The following PIK3CB variants were observed in gnomAD, a reference collection of about 807,000 sequenced individuals.
PIK3CB encodes the protein phosphatidylinositol 4,5-bisphosphate 3-kinase catalytic subunit beta isoform.
PIK3CB carries 39 observed loss-of-function variants against 136.8 expected under a neutral mutation model. That is an observed-to-expected ratio of 0.29 (90% CI 0.22 to 0.37). The LOEUF (loss-of-function observed/expected upper bound fraction) is 0.37, where lower values mean the gene tolerates loss of function less well. PIK3CB is among the 10% of genes least tolerant of loss of function. The pLI is 1.00. For synonymous variants in PIK3CB, 428 were observed against 436.6 expected, an observed-to-expected ratio of 0.98 and a Z score of 0.25; for missense variants, 868 against 1,275.4, an observed-to-expected ratio of 0.68 and a Z score of 4.87.
rs548607789 is a variant in PIK3CB, at chr3:138,789,810, C to T, written c.-17+6653G>A. Among the ~76,000 whole-genome samples the T allele has an allele frequency of 2.0e-5, 3 of 151,964 alleles. No homozygotes were observed. The East Asian group carries it at 5.8e-4, about 29-fold the overall frequency. ...CTCAGGGGTGATTATCCTGACTCAG[C>T]CTCCCGAGTAGGTGGGACTGCAGAT... On this transcript the variant is annotated intron_variant, in intron 2 of 23. Transcript: ENST00000674063.
At chr3:138,729,854 C>T (rs1459198055) in intron 8 of PIK3CB, among the ~76,000 whole-genome samples, 1 of 151,890 alleles carries the variant, frequency 6.6e-6, no homozygotes, top group Non-Finnish European at 1.5e-5. Flanking sequence ...CATATTGTAT[C>T]CTATTGGCTC....
intron 1 of PIK3CB, among the ~76,000 whole-genome samples, chr3:138,807,812 T>C (rs1038588540): frequency 2.0e-5 from 3 of 151,948 alleles, no homozygotes; most frequent in Non-Finnish European, 4.4e-5. Flanking sequence ...AGGATCGCTT[T>C]TGAGCTCGGG....
rs1313318746 is a variant in PIK3CB at position 138,693,960 on chromosome 3, TATATATTATATATATA to T, written c.1892+810_1892+825del. 1.2e-3 allele frequency among the ~76,000 whole-genome samples: 42 copies of T among 33,964 alleles called. 1 individual carries two copies. Among genetic ancestry groups the T allele is most frequent in the African/African-American group, 9.3e-3 (40 of 4,280 alleles). 22.3% of individuals were successfully genotyped at this position (33,964 alleles called of 152,430 possible). ...AAATATATATATATATATATATATA[TATATATTATATATATA>T]TATATATATATATATATTTTAAACC... On this transcript the variant is annotated intron_variant, in intron 14 of 23. Coordinates refer to ENST00000674063, the MANE Select transcript of PIK3CB (RefSeq NM_006219.3).
intron 1 of PIK3CB, among the ~76,000 whole-genome samples, chr3:138,802,593 TA>T (rs1443589621): frequency 3.3e-5 from 5 of 151,800 alleles, no homozygotes; most frequent in African/African-American, 4.8e-5. Context: ...ATTGTTACTT[TA>T]AAAAAAAGTT....
intron 19 of PIK3CB, among the ~76,000 whole-genome samples, chr3:138,675,246 G>C (rs1396432782): frequency 1.3e-5 from 2 of 151,954 alleles, no homozygotes. Flanking sequence ...CAAACTTGTG[G>C]ATAGGTCAAT....
chr3:138,761,667 G>A (rs1368155646), intron 2 of PIK3CB, among the ~76,000 whole-genome samples: 2 of 152,166 alleles, frequency 1.3e-5, no homozygotes, highest in Admixed American at 6.5e-5. Context: ...CTACTCAGAA[G>A]GCTGAGGCAC....
chr3:138,794,112 G>A (rs760358508), intron 2 of PIK3CB, among the ~76,000 whole-genome samples: 66 of 152,124 alleles, frequency 4.3e-4, no homozygotes, highest in Middle Eastern at 6.8e-3. Flanking sequence ...ACAGGTGCCC[G>A]CCACCATGCC....
chr3:138,740,792 A>G (rs903788106), intron 5 of PIK3CB, among the ~76,000 whole-genome samples: 1 of 152,056 alleles, frequency 6.6e-6, no homozygotes, highest in Non-Finnish European at 1.5e-5. Context: ...AGCTGGGACT[A>G]CAGATGTGCA....
chr3:138,779,210 C>T (rs1305313890), intron 2 of PIK3CB, among the ~76,000 whole-genome samples: 1 of 151,420 alleles, frequency 6.6e-6, no homozygotes, highest in Non-Finnish European at 1.5e-5. Flanking sequence ...CTCAGCTTCC[C>T]GAGTAGCTGA....
At chr3:138,790,911 C>T (rs1279608178) in intron 2 of PIK3CB, among the ~76,000 whole-genome samples, 7 of 150,882 alleles carry the variant, frequency 4.6e-5, no homozygotes, top group African/African-American at 1.2e-4. Context: ...TGCAGCAAGC[C>T]GAGATCACAC....
chr3:138,775,666 C>A (rs900051089), intron 2 of PIK3CB, among the ~76,000 whole-genome samples: 1 of 152,064 alleles, frequency 6.6e-6, no homozygotes, highest in South Asian at 2.1e-4. Context: ...TGCCTCACTG[C>A]CCCAGCCTAT....
Position 138,686,077 on chromosome 3 carries a change from C to CA in PIK3CB, c.2137-1275dup, listed in dbSNP as rs529236347. On this transcript the variant is annotated intron_variant, in intron 16 of 23. Coordinates refer to ENST00000674063, the MANE Select transcript of PIK3CB (RefSeq NM_006219.3). ...ACTGGAACCTGGGAGCTGGAGGCTG[C>CA]AGTGAGCCAAGATCGTACCACTACA... 5.3e-5 allele frequency among the ~76,000 whole-genome samples: 8 copies of CA among 151,398 alleles called. No individual in the cohort carries two copies. In the East Asian group the frequency reaches 1.2e-3, roughly 22 times the overall value.
intron 10 of PIK3CB, among the ~76,000 whole-genome samples, chr3:138,711,543 C>CACTCCAGCCTGGGCAACAAGA: frequency 7.7e-6 from 1 of 129,964 alleles, no homozygotes; most frequent in Non-Finnish European, 1.5e-5. Context: ...CACACCATGG[C>CACTCCAGCCTGGGCAACAAGA]ACTCCAGCCT....
chr3:138,826,248 T>C, intron 1 of PIK3CB: 2 of 1,559,116 alleles, frequency 1.3e-6, no homozygotes, highest in South Asian at 1.1e-5. Context: ...TTGCCGTGGG[T>C]GTCATCAAAG....
At chr3:138,705,162 A>AAAAAAC (rs2044339892) in intron 11 of PIK3CB, among the ~76,000 whole-genome samples, 1 of 99,672 alleles carries the variant, frequency 1.0e-5, no homozygotes, top group South Asian at 3.4e-4. Context: ...AGGCAAAAAA[A>AAAAAAC]AAAAAAAAAA....
chr3:138,733,741 G>A (rs1403593579), intron 7 of PIK3CB, among the ~76,000 whole-genome samples: 1 of 152,140 alleles, frequency 6.6e-6, no homozygotes, highest in African/African-American at 2.4e-5. Context: ...AGCTGGGCAT[G>A]GTGGCGGGCG....
chr3:138,793,579 C>G (rs1446441861), intron 2 of PIK3CB, among the ~76,000 whole-genome samples: 1 of 150,794 alleles, frequency 6.6e-6, no homozygotes, highest in Non-Finnish European at 1.5e-5. Flanking sequence ...GCACTCCAGC[C>G]TGGGCGTTGC....
intron 20 of PIK3CB, among the ~76,000 whole-genome samples, chr3:138,664,774 A>G (rs1174978553): frequency 1.3e-5 from 2 of 152,212 alleles, no homozygotes; most frequent in Non-Finnish European, 2.9e-5. Context: ...AGGCTTCAGT[A>G]TGTTATCTTT....
intron 8 of PIK3CB, 64 bp from the exon 9 acceptor site, chr3:138,714,783 T>TTTTG (rs767824054): frequency 2.2e-6 from 3 of 1,370,642 alleles, no homozygotes; most frequent in East Asian, 4.8e-5. Flanking sequence ...AAACATCTCT[T>TTTTG]TTTGTTTGTT....
Sources: allele counts gnomAD v4.1 joint callset (sites outside exome capture counted in the v4.1 genomes callset), GRCh38; gene constraint gnomAD v4.1.1; transcripts MANE v1.5; gene names NCBI Gene and HGNC (gene_info 2026-07-23, HGNC 2026-07-21).